Variants in CNTNAP2 observed in about 807,000 individuals in gnomAD.
CNTNAP2 encodes contactin-associated protein-like 2.
CNTNAP2 carries 98 observed loss-of-function variants against 155.2 expected under a neutral mutation model. That is an observed-to-expected ratio of 0.63 (90% CI 0.54 to 0.75). The LOEUF (loss-of-function observed/expected upper bound fraction) is 0.75, where lower values mean the gene tolerates loss of function less well. Among genes scored for constraint, CNTNAP2 ranks in the 30% least tolerant of loss-of-function variants. The probability of loss-of-function intolerance (pLI) is 0.00; values close to 1 mark genes in which losing one functional copy is unlikely to be tolerated. For synonymous variants in CNTNAP2, 651 were observed against 631.2 expected (o/e 1.03, Z -0.47); for missense variants, 1,727 against 1,688.1 (o/e 1.02, Z -0.40).
chr7:147,285,914 T>G (rs1805164688), intron 8 of CNTNAP2, among the ~76,000 whole-genome samples: 1 of 152,100 alleles, frequency 6.6e-6, no homozygotes, highest in African/African-American at 2.4e-5. Context: ...TCAGCTACAC[T>G]CTGTCTTCCC....
At chr7:148,381,425 G>A (rs1799057231) in intron 21 of CNTNAP2, 2 of 152,380 alleles carry the variant, frequency 1.3e-5, no homozygotes, top group South Asian at 4.1e-4. Flanking sequence ...AGGAAGGGAA[G>A]TTGAAAAGGG....
At chr7:148,118,929 G>A (rs891628132) in intron 16 of CNTNAP2, among the ~76,000 whole-genome samples, 2 of 152,220 alleles carry the variant, frequency 1.3e-5, no homozygotes, top group Non-Finnish European at 2.9e-5. Context: ...TCCTAAGGGG[G>A]CGTTCAGGCT....
At chr7:147,005,101 A>G (rs1329879340) in intron 3 of CNTNAP2, among the ~76,000 whole-genome samples, 2 of 152,084 alleles carry the variant, frequency 1.3e-5, no homozygotes, top group Non-Finnish European at 2.9e-5. Context: ...CTTCAAAGCT[A>G]TGTCATATTT....
At chr7:146,678,077 T>C (rs1398542230) in intron 1 of CNTNAP2, among the ~76,000 whole-genome samples, 1 of 152,136 alleles carries the variant, frequency 6.6e-6, no homozygotes, top group East Asian at 1.9e-4. Context: ...ATTTATTTAG[T>C]TTGAGCTGGA....
chr7:146,390,189 G>T lies in CNTNAP2; in HGVS notation c.97+273216G>T, dbSNP rs369336815. On this transcript the variant is annotated intron_variant, in intron 1 of 23. Coordinates refer to ENST00000361727, the MANE Select transcript of CNTNAP2 (RefSeq NM_014141.6). ...TAGTAATTAAAAAAGTAAATATTTT[G>T]CTCTTCGTAAATATGTAAATACAAA... Among the ~76,000 whole-genome samples, 7 of 151,962 alleles carry T rather than the reference G, an allele frequency of 4.6e-5. No individual in the cohort carries two copies. The East Asian group carries it at 1.4e-3, about 29-fold the overall frequency.
intron 21 of CNTNAP2, among the ~76,000 whole-genome samples, chr7:148,301,306 A>AAATATATATATATATATATAT: frequency 3.9e-5 from 4 of 103,846 alleles, no homozygotes; most frequent in Non-Finnish European, 7.7e-5. Context: ...AAAAAAAAAA[A>AAATATATATATATATATATAT]ATATATATAT....
chr7:146,449,889 GTGAA>G (rs1293419315), intron 1 of CNTNAP2, among the ~76,000 whole-genome samples: 3 of 152,142 alleles, frequency 2.0e-5, no homozygotes, highest in Admixed American at 2.0e-4. Flanking sequence ...TTGTATTCAG[GTGAA>G]TGAAGATTAT....
intron 13 of CNTNAP2, among the ~76,000 whole-genome samples, chr7:147,642,518 A>G (rs1020133432): frequency 2.0e-5 from 3 of 152,092 alleles, no homozygotes; most frequent in African/African-American, 7.2e-5. Context: ...GAAGCCTCAC[A>G]CACATAACCA....
chr7:147,667,883 C>T (rs1159778375), intron 13 of CNTNAP2, among the ~76,000 whole-genome samples: 1 of 151,752 alleles, frequency 6.6e-6, no homozygotes, highest in African/African-American at 2.4e-5. Flanking sequence ...CTGACTGCAC[C>T]AAGAATCTTG....
intron 1 of CNTNAP2, among the ~76,000 whole-genome samples, chr7:146,269,622 CTGT>C (rs1219113571): frequency 3.3e-5 from 5 of 152,158 alleles, no homozygotes; most frequent in African/African-American, 1.2e-4. Flanking sequence ...CTGTATTTTA[CTGT>C]TGAAGTCTTT....
intron 1 of CNTNAP2, among the ~76,000 whole-genome samples, chr7:146,187,132 C>T (rs1405116): frequency 0.93 from 141,138 of 152,274 alleles, 65,751 homozygotes; most frequent in East Asian, 0.97. Context: ...GGGAAGCCCA[C>T]GAATGGCTTT....
intron 1 of CNTNAP2, among the ~76,000 whole-genome samples, chr7:146,762,984 A>G (rs1427141656): frequency 6.6e-6 from 1 of 152,046 alleles, no homozygotes; most frequent in Non-Finnish European, 1.5e-5. Context: ...GGACACTGCT[A>G]AACCATATCA....
At chr7:146,266,871 G>A (rs1192387056) in intron 1 of CNTNAP2, among the ~76,000 whole-genome samples, 1 of 149,752 alleles carries the variant, frequency 6.7e-6, no homozygotes, top group East Asian at 1.9e-4. Flanking sequence ...TTCTAAGGAA[G>A]GTTCACATTG....
At chr7:147,445,506 G>A (rs1471160627) in intron 10 of CNTNAP2, among the ~76,000 whole-genome samples, 1 of 151,698 alleles carries the variant, frequency 6.6e-6, no homozygotes, top group African/African-American at 2.4e-5. Context: ...TTCCTTGTTG[G>A]TTGTTGTGGA....
chr7:148,040,395 T>C (rs1289112308), intron 15 of CNTNAP2, among the ~76,000 whole-genome samples: 3 of 152,154 alleles, frequency 2.0e-5, no homozygotes, highest in Non-Finnish European at 4.4e-5. Flanking sequence ...TACATGGCAT[T>C]TCCATTCCCA....
At chr7:146,750,011 G>T (rs1170706988) in intron 1 of CNTNAP2, among the ~76,000 whole-genome samples, 1 of 152,052 alleles carries the variant, frequency 6.6e-6, no homozygotes, top group East Asian at 1.9e-4. Flanking sequence ...TTCTCACATA[G>T]ACTCCCAGAT....
At chr7:146,888,943 T>C (rs1795726091) in intron 3 of CNTNAP2, among the ~76,000 whole-genome samples, 1 of 152,126 alleles carries the variant, frequency 6.6e-6, no homozygotes, top group Non-Finnish European at 1.5e-5. Context: ...CTATAGCTAA[T>C]GATACTACGT....
At chr7:147,861,069 T>C (rs767415798) in intron 13 of CNTNAP2, among the ~76,000 whole-genome samples, 11 of 152,216 alleles carry the variant, frequency 7.2e-5, no homozygotes, top group Non-Finnish European at 1.5e-4. Context: ...CTTGTAGGTG[T>C]TCCTTTCTAT....
At chr7:148,383,191 T>TC (rs1391800190) in intron 21 of CNTNAP2, among the ~76,000 whole-genome samples, 1 of 148,154 alleles carries the variant, frequency 6.7e-6, no homozygotes, top group Non-Finnish European at 1.5e-5. Flanking sequence ...TCTTGTTCTT[T>TC]TTTTTTTTTT....
Sources: allele counts gnomAD v4.1 joint callset (sites outside exome capture counted in the v4.1 genomes callset), GRCh38; gene constraint gnomAD v4.1.1; transcripts MANE v1.5; gene names NCBI Gene and HGNC (gene_info 2026-07-23, HGNC 2026-07-21).